ATP9B: variants seen among roughly 807,000 people sequenced by gnomAD.
The protein encoded by ATP9B is probable phospholipid-transporting ATPase IIB.
A neutral mutation model predicts 146.1 loss-of-function variants in ATP9B; 110 were observed. The observed-to-expected ratio is 0.75, with a 90% CI of 0.65 to 0.88. The LOEUF is 0.88. Ranked by LOEUF, ATP9B falls within the 40% of genes least tolerant of loss-of-function variation. The pLI is 0.00. For synonymous variants in ATP9B, 604 were observed against 569.7 expected, an observed-to-expected ratio of 1.06 and a Z score of -0.86; for missense variants, 1,499 against 1,496.4, an observed-to-expected ratio of 1.00 and a Z score of -0.03.
rs368857683 is a variant in ATP9B, at chr18:79,329,132, C to G, written c.1774-9C>G. Reference sequence around the variant, plus strand: ...AGCGGTGGCCTCAGTTGTTGCTGGTCTCCCGTAGGTCGCTCTGGTGCAGTG... The same window carrying G: ...AGCGGTGGCCTCAGTTGTTGCTGGTGTCCCGTAGGTCGCTCTGGTGCAGTG... On this transcript the variant is annotated splice_polypyrimidine_tract_variant and intron_variant, in intron 15 of 29. Transcript: ENST00000426216. 3 of 1,540,300 alleles carry G rather than the reference C, an allele frequency of 1.9e-6. No homozygotes were observed. Among genetic ancestry groups the G allele is most frequent in the Non-Finnish European group, 2.6e-6 (3 of 1,139,906 alleles).
chr18:79,108,053 T>C (rs1004381805), intron 2 of ATP9B, among the ~76,000 whole-genome samples: 1 of 152,094 alleles, frequency 6.6e-6, no homozygotes, highest in African/African-American at 2.4e-5. Flanking sequence ...TGTCACCAGA[T>C]AAAAGAGTGA....
Position 79,372,832 on chromosome 18 carries a change from C to T in ATP9B, c.3020C>T (p.Ser1007Phe), listed in dbSNP as rs748999793. 1 of 1,610,064 alleles carries T rather than the reference C, an allele frequency of 6.2e-7. No individual in the cohort carries two copies. The highest frequency in any genetic ancestry group is 1.3e-5 in the African/African-American group (1 of 74,846). ...ELYKDLTKGR[S>F]LSFKTFLIWV... ...CTTCCACTGTTTCCCTAGGGAAGAT[C>T]CTTGTCCTTCAAAACCTTCCTCATC... Residue 1007 changes from serine to phenylalanine, a missense_variant, in exon 27 of 30, where the codon TCC becomes TTC. Physicochemically the swap from Ser to Phe is radical, Grantham distance 155 (BLOSUM62 -2). Transcript: ENST00000426216.
At chr18:79,224,667 T>G (rs915243256) in intron 11 of ATP9B, among the ~76,000 whole-genome samples, 4 of 152,198 alleles carry the variant, frequency 2.6e-5, no homozygotes, top group Non-Finnish European at 4.4e-5. Flanking sequence ...GCAGGTCCCT[T>G]GGTTTTCTAA....
At chr18:79,207,331 A>G (rs1344249650) in intron 10 of ATP9B, among the ~76,000 whole-genome samples, 2 of 152,170 alleles carry the variant, frequency 1.3e-5, no homozygotes, top group African/African-American at 4.8e-5. Context: ...AATGAGAGGC[A>G]CCACAGAAGA....
chr18:79,147,193 A>G (rs1441885631), intron 6 of ATP9B, among the ~76,000 whole-genome samples: 2 of 152,244 alleles, frequency 1.3e-5, no homozygotes, highest in African/African-American at 4.8e-5. Flanking sequence ...CAACAGTTCC[A>G]TAAAATTCGT....
At chr18:79,308,761 C>T (rs1277266280) in intron 15 of ATP9B, among the ~76,000 whole-genome samples, 2 of 98,378 alleles carry the variant, frequency 2.0e-5, no homozygotes, top group African/African-American at 9.5e-5. Flanking sequence ...GAGTGATCCC[C>T]AGCAGGTAGA....
chr18:79,368,618 A>T lies in ATP9B; in HGVS notation c.3013-4207A>T, dbSNP rs1276634996. On this transcript the variant is annotated intron_variant, in intron 26 of 29. Transcript: ENST00000426216. ...TGAAGTTCATTTTATATTCTAAGAG[A>T]TGTATTTAATGAAATTGAGCTTATC... Among the ~76,000 whole-genome samples the T allele has an allele frequency of 2.0e-5, 3 of 152,122 alleles. No individual in the cohort carries two copies. The South Asian group carries it at 6.2e-4, about 32-fold the overall frequency.
chr18:79,297,487 A>C (rs1404661023), intron 13 of ATP9B, among the ~76,000 whole-genome samples: 1 of 152,246 alleles, frequency 6.6e-6, no homozygotes, highest in Non-Finnish European at 1.5e-5. Context: ...GTAAATATTA[A>C]ATACACATTT....
At chr18:79,174,124 AAAGAG>A in intron 7 of ATP9B, 1 of 376,018 alleles carries the variant, frequency 2.7e-6, no homozygotes, top group East Asian at 7.9e-5. Flanking sequence ...GAAGAATAAG[AAAGAG>A]TACATCTGCT....
intron 17 of ATP9B, among the ~76,000 whole-genome samples, chr18:79,336,221 C>T (rs1169624974): frequency 6.6e-6 from 1 of 152,008 alleles, no homozygotes; most frequent in Admixed American, 6.5e-5. Flanking sequence ...CCGCCATGTG[C>T]ACCCTCCGTG....
intron 19 of ATP9B, 34 bp downstream of exon 19, chr18:79,337,483 CT>C: frequency 6.3e-7 from 1 of 1,590,406 alleles, no homozygotes; most frequent in African/African-American, 1.3e-5. Context: ...GCGCGCGCTG[CT>C]TTTGCTGAAG....
intron 11 of ATP9B, among the ~76,000 whole-genome samples, chr18:79,251,767 C>T (rs1227738514): frequency 6.6e-6 from 1 of 152,158 alleles, no homozygotes; most frequent in African/African-American, 2.4e-5. Context: ...AAAGGCACTA[C>T]AAAATAAACC....
At chr18:79,069,569 C>T (rs1214713498) in intron 1 of ATP9B, 40 bp downstream of exon 1, 3 of 1,236,742 alleles carry the variant, frequency 2.4e-6, no homozygotes, top group Non-Finnish European at 3.1e-6. Context: ...CGCCGACGCT[C>T]CCCGGGGCCC....
intron 1 of ATP9B, among the ~76,000 whole-genome samples, chr18:79,089,164 C>G (rs569025047): frequency 5.3e-5 from 8 of 152,176 alleles, no homozygotes; most frequent in Non-Finnish European, 1.0e-4. Flanking sequence ...TCATTGTATA[C>G]TGCTCGGGAG....
chr18:79,243,231 T>C (rs1363806037), intron 11 of ATP9B, among the ~76,000 whole-genome samples: 1 of 152,246 alleles, frequency 6.6e-6, no homozygotes, highest in African/African-American at 2.4e-5. Flanking sequence ...TTCACGATGA[T>C]AGTAATTCTG....
chr18:79,234,494 T>C (rs2095820695), intron 11 of ATP9B, among the ~76,000 whole-genome samples: 3 of 152,236 alleles, frequency 2.0e-5, no homozygotes, highest in African/African-American at 7.2e-5. Flanking sequence ...ACGAGACTTC[T>C]TCCTGCGTGT....
intron 6 of ATP9B, among the ~76,000 whole-genome samples, chr18:79,150,087 A>G (rs1395157147): frequency 7.6e-5 from 10 of 131,426 alleles, no homozygotes. Context: ...CTCAAAAAAT[A>G]AAAAAATAAA....
intron 29 of ATP9B, chr18:79,376,071 A>G (rs1316355093): frequency 1.0e-6 from 1 of 985,128 alleles, no homozygotes; most frequent in Non-Finnish European, 1.2e-6. Flanking sequence ...CCGGGCTCAG[A>G]GCCTCTAAGA....
At chr18:79,317,798 T>TATTC (rs2096689985) in intron 15 of ATP9B, among the ~76,000 whole-genome samples, 1 of 152,188 alleles carries the variant, frequency 6.6e-6, no homozygotes, top group South Asian at 2.1e-4. Flanking sequence ...CATGGTAGAA[T>TATTC]GCACACAGGG....
Sources: allele counts gnomAD v4.1 joint callset (sites outside exome capture counted in the v4.1 genomes callset), GRCh38; gene constraint gnomAD v4.1.1; transcripts MANE v1.5; gene names NCBI Gene and HGNC (gene_info 2026-07-23, HGNC 2026-07-21).